CCND2: variants seen among roughly 807,000 people sequenced by gnomAD.
The protein encoded by CCND2 is cyclin D2, also known as G1/S-specific cyclin-D2.
In CCND2, 6 loss-of-function variants were observed where a neutral mutation model predicts 30.2. The ratio of observed to expected loss-of-function variants is 0.20; its 90% confidence interval spans 0.11 to 0.39. CCND2 has a LOEUF of 0.39. Ranked by LOEUF, CCND2 falls within the 10% of genes least tolerant of loss-of-function variation. The pLI is 1.00. For missense variants in CCND2, 235 were observed against 373.4 expected, an observed-to-expected ratio of 0.63 and a Z score of 3.06; for synonymous variants, 150 against 153.1, an observed-to-expected ratio of 0.98 and a Z score of 0.15.
rs1419995528 is a variant in CCND2, at chr12:4,282,984, G to A, written c.571+4065G>A. Reference sequence around the variant, plus strand: ...TCCCTTTCTTCTTCAGCGTCAGAGTGCGTATCTCTCTCCCCCTATTGGTGA... The same window carrying A: ...TCCCTTTCTTCTTCAGCGTCAGAGTACGTATCTCTCTCCCCCTATTGGTGA... On this transcript the variant is annotated intron_variant, in intron 3 of 4. Transcript: ENST00000261254. This position sits in a 1 kb window ranked among gnomAD's most constrained non-coding sequence, Gnocchi z 4.3. Among the ~76,000 whole-genome samples, 1 of 152,192 alleles carries A rather than the reference G, an allele frequency of 6.6e-6. No individual in the cohort carries two copies. Among genetic ancestry groups the A allele is most frequent in the Non-Finnish European group, 1.5e-5 (1 of 68,040 alleles).
intron 4 of CCND2, among the ~76,000 whole-genome samples, chr12:4,290,662 C>G (rs542107226): frequency 4.1e-4 from 62 of 152,136 alleles, no homozygotes; most frequent in African/African-American, 1.1e-3. Context: ...ACCACCCTAC[C>G]GGCTCCAGCC....
Position 4,274,304 on chromosome 12 carries a change from C to T in CCND2, c.195+69C>T, listed in dbSNP as rs1863830594. On this transcript the variant is annotated intron_variant, in intron 1 of 4. Coordinates refer to ENST00000261254, the MANE Select transcript of CCND2 (RefSeq NM_001759.4). This position sits in a 1 kb window ranked among gnomAD's most constrained non-coding sequence, Gnocchi z 7.7. The stretch of plus-strand genomic sequence containing the variant: ...GATGCTCGGGTCCCCGGCCGGAGCC[C>T]TAAACCTGGGAGAGGGCAATCCCCG... 6.5e-7 allele frequency: 1 copy of T among 1,541,440 alleles called. No individual in the cohort carries two copies. The highest frequency in any genetic ancestry group is 8.9e-7 in the Non-Finnish European group (1 of 1,125,022).
rs1008410478 is a variant in CCND2, at chr12:4,302,571, T to C, written c.*2562T>C. The C allele has an allele frequency of 6.4e-5, 15 of 233,248 alleles. No individual in the cohort carries two copies. In the South Asian group the frequency reaches 1.1e-3, roughly 17 times the overall value. The allele number at this position is 233,248 out of a possible 1,614,324, so 14.4% of individuals were successfully genotyped here. On this transcript the variant is annotated 3_prime_UTR_variant, in exon 5 of 5. Coordinates refer to ENST00000261254, the MANE Select transcript of CCND2 (RefSeq NM_001759.4). ...AACCTGCAGCAAGCAGCGTTTATGG[T>C]GCTTCCTTCTCCCTCCTCTGTCTCA...
rs1864227975 is a variant in CCND2, at chr12:4,300,105, A to T, written c.*96A>T. ...TTCTTTGTGTTTTAGGGTGAAACTTAAAAAAAAAATTCTGCCCCCACCTAG... is the reference window on the plus strand; with the variant it reads ...TTCTTTGTGTTTTAGGGTGAAACTTTAAAAAAAAATTCTGCCCCCACCTAG... On this transcript the variant is annotated 3_prime_UTR_variant, in exon 5 of 5. Coordinates refer to ENST00000261254, the MANE Select transcript of CCND2 (RefSeq NM_001759.4). 4 of 1,013,336 alleles carry T rather than the reference A, an allele frequency of 3.9e-6. No homozygotes were observed. The highest frequency in any genetic ancestry group is 2.6e-6 in the Non-Finnish European group (2 of 756,234). 62.8% of individuals were successfully genotyped at this position (1,013,336 alleles called of 1,614,324 possible).
Position 4,300,531 on chromosome 12 carries a change from C to T in CCND2, c.*522C>T, listed in dbSNP as rs1184525874. 1 of 234,554 alleles carries T rather than the reference C, an allele frequency of 4.3e-6. No individual in the cohort carries two copies. Among genetic ancestry groups the T allele is most frequent in the Non-Finnish European group, 8.4e-6 (1 of 118,704 alleles). 14.5% of individuals were successfully genotyped at this position (234,554 alleles called of 1,614,324 possible). ...AAACAATCTCTCAACATGATTGAAC[C>T]ATTTGGGATGGAGAAGCACCTTTGC... On this transcript the variant is annotated 3_prime_UTR_variant, in exon 5 of 5. Transcript: ENST00000261254.
Position 4,285,345 on chromosome 12 carries a change from C to T in CCND2, c.572-3497C>T, listed in dbSNP as rs1186573534. ...GGCAATTAACGATGGCGAGGGCACA[C>T]CCTCACCCCTGAGCGTGCCTTCTGC... On this transcript the variant is annotated intron_variant, in intron 3 of 4. Coordinates refer to ENST00000261254, the MANE Select transcript of CCND2 (RefSeq NM_001759.4). This position sits in a 1 kb window ranked among gnomAD's most constrained non-coding sequence, Gnocchi z 4.1. The T allele has an allele frequency of 1.0e-6, 1 of 985,274 alleles. No homozygotes were observed. Among genetic ancestry groups the T allele is most frequent in the African/African-American group, 1.7e-5 (1 of 57,234 alleles). 61.0% of individuals were successfully genotyped at this position (985,274 alleles called of 1,614,324 possible).
intron 3 of CCND2, among the ~76,000 whole-genome samples, chr12:4,281,826 T>A (rs1863952127): frequency 6.6e-6 from 1 of 151,970 alleles, no homozygotes; most frequent in South Asian, 2.1e-4. Context: ...GGCTCTGGAT[T>A]AAGATGGTGG....
chr12:4,278,999 A>G (rs942589532), intron 3 of CCND2, 80 bp downstream of exon 3: 16 of 1,431,408 alleles, frequency 1.1e-5, no homozygotes, highest in Non-Finnish European at 1.5e-5. Flanking sequence ...AGGCCGTAGG[A>G]ACTTTCATTT....
chr12:4,275,823 T>C (rs2097801679), intron 1 of CCND2, among the ~76,000 whole-genome samples, 182 bp from the exon 2 acceptor site: 1 of 151,678 alleles, frequency 6.6e-6, no homozygotes, highest in South Asian at 2.1e-4. Context: ...GCTATTCTGA[T>C]TCACTCCAGT....
At position 4,303,292 on chromosome 12, in the gene CCND2, C is replaced by T. The variant is rs3217932; in HGVS notation, c.*3283C>T. The T allele has an allele frequency of 1.3e-5, 3 of 233,234 alleles. No individual in the cohort carries two copies. In the East Asian group the frequency reaches 1.8e-4, roughly 14 times the overall value. 14.4% of individuals were successfully genotyped at this position (233,234 alleles called of 1,614,324 possible). A position where few individuals can be genotyped will look rare whatever the true frequency, so the allele number is the denominator to read the frequency against. On this transcript the variant is annotated 3_prime_UTR_variant, in exon 5 of 5. Coordinates refer to ENST00000261254, the MANE Select transcript of CCND2 (RefSeq NM_001759.4). The surrounding 1 kb of genome is among the most constrained non-coding windows in gnomAD (Gnocchi z 4.6). ...GGGTTGTTAGGCTTTTCTGCCTGCTCCTGCTTAAACACAAGAAGGAATCCT... is the reference window on the plus strand; with the variant it reads ...GGGTTGTTAGGCTTTTCTGCCTGCTTCTGCTTAAACACAAGAAGGAATCCT...
intron 1 of CCND2, among the ~76,000 whole-genome samples, chr12:4,275,685 C>A (rs958475940): frequency 7.9e-5 from 12 of 151,368 alleles, no homozygotes; most frequent in Non-Finnish European, 1.6e-4. Context: ...AGTTAGAGTG[C>A]GCGAAGGAGT....
Position 4,274,023 on chromosome 12 carries a change from G to A in CCND2, c.-18G>A. On this transcript the variant is annotated 5_prime_UTR_variant, in exon 1 of 5. Coordinates refer to ENST00000261254, the MANE Select transcript of CCND2 (RefSeq NM_001759.4). This position sits in a 1 kb window ranked among gnomAD's most constrained non-coding sequence, Gnocchi z 7.7. ...CAGGCCGGGGAAAGCAGGAGGGAGA[G>A]GGGCCGCCGGGCTGGCCATGGAGCT... 1 of 1,604,974 alleles carries A rather than the reference G, an allele frequency of 6.2e-7. No homozygotes were observed. The highest frequency in any genetic ancestry group is 8.5e-7 in the Non-Finnish European group (1 of 1,175,258).
At position 4,278,634 on chromosome 12, in the gene CCND2, A is replaced by G. The variant is rs1043934606; in HGVS notation, c.412-126A>G. ...GCACATTGACAAATGGGCCCGCCTTACAATCTAGCAGCCACGTCCTAATGA... is the reference window on the plus strand; with the variant it reads ...GCACATTGACAAATGGGCCCGCCTTGCAATCTAGCAGCCACGTCCTAATGA... On this transcript the variant is annotated intron_variant, in intron 2 of 4. Coordinates refer to ENST00000261254, the MANE Select transcript of CCND2 (RefSeq NM_001759.4). The G allele has an allele frequency of 1.7e-5, 14 of 813,528 alleles. No homozygotes were observed. In the African/African-American group the frequency reaches 1.9e-4, roughly 11 times the overall value. 50.4% of individuals were successfully genotyped at this position (813,528 alleles called of 1,614,324 possible). A position where few individuals can be genotyped will look rare whatever the true frequency, so the allele number is the denominator to read the frequency against.
At position 4,301,921 on chromosome 12, in the gene CCND2, T is replaced by C. The variant is rs557266635; in HGVS notation, c.*1912T>C. The stretch of plus-strand genomic sequence containing the variant: ...CTGGTAGCATATTCATGGTTGTTTT[T>C]TTTTTTCTTTTTTGGTTTTTTGGTT... On this transcript the variant is annotated 3_prime_UTR_variant, in exon 5 of 5. Coordinates refer to ENST00000261254, the MANE Select transcript of CCND2 (RefSeq NM_001759.4). 24 of 232,104 alleles carry C rather than the reference T, an allele frequency of 1.0e-4. No individual in the cohort carries two copies. The Admixed American group carries it at 1.1e-3, about 11-fold the overall frequency. 14.4% of individuals were successfully genotyped at this position (232,104 alleles called of 1,614,324 possible).
At chr12:4,275,021 CAGTTTGGTT>C (rs1863846338) in intron 1 of CCND2, 1 of 152,292 alleles carries the variant, frequency 6.6e-6, no homozygotes, top group Non-Finnish European at 1.5e-5. Context: ...AGATTACTTA[CAGTTTGGTT>C]TTCCAGCTTC....
Position 4,273,977 on chromosome 12 carries a change from A to C in CCND2, c.-64A>C. The C allele has an allele frequency of 6.5e-7, 1 of 1,526,916 alleles. No individual in the cohort carries two copies. Among genetic ancestry groups the C allele is most frequent in the Non-Finnish European group, 8.8e-7 (1 of 1,130,266 alleles). The allele number at this position is 1,526,916 out of a possible 1,614,324, so 94.6% of individuals were successfully genotyped here. A position where few individuals can be genotyped will look rare whatever the true frequency, so the allele number is the denominator to read the frequency against. ...GCTCTCCCCTCCCCTTCCAAAAAACAAAAACAGAAAAACCTTTTTCCAGGC... is the reference window on the plus strand; with the variant it reads ...GCTCTCCCCTCCCCTTCCAAAAAACCAAAACAGAAAAACCTTTTTCCAGGC... On this transcript the variant is annotated 5_prime_UTR_variant, in exon 1 of 5. Transcript: ENST00000261254. This position sits in a 1 kb window ranked among gnomAD's most constrained non-coding sequence, Gnocchi z 5.9.
Position 4,301,020 on chromosome 12 carries a change from T to C in CCND2, c.*1011T>C. On this transcript the variant is annotated 3_prime_UTR_variant, in exon 5 of 5. Coordinates refer to ENST00000261254, the MANE Select transcript of CCND2 (RefSeq NM_001759.4). ...CCCGAGCGATAGATGGGATGGTTTA[T>C]GCAAGTCATGCTGAATACTCCTCCC... 1 of 233,758 alleles carries C rather than the reference T, an allele frequency of 4.3e-6. No homozygotes were observed. Among genetic ancestry groups the C allele is most frequent in the Non-Finnish European group, 8.5e-6 (1 of 118,068 alleles). 14.5% of individuals were successfully genotyped at this position (233,758 alleles called of 1,614,324 possible).
At chr12:4,283,296 G>C (rs3217829) in intron 3 of CCND2, among the ~76,000 whole-genome samples, 1 of 152,180 alleles carries the variant, frequency 6.6e-6, no homozygotes, top group Non-Finnish European at 1.5e-5. Context: ...CCGGGGCTGC[G>C]GCTGGGACCC....
intron 4 of CCND2, chr12:4,297,769 G>C (rs1273463535): frequency 7.8e-6 from 3 of 383,704 alleles, no homozygotes; most frequent in African/African-American, 4.2e-5. Context: ...CAACAGGTCG[G>C]ACAGGGTAAG....
Sources: gnomAD v4.1 joint callset for allele counts (sites outside exome capture counted in the v4.1 genomes callset) on GRCh38, gnomAD v4.1.1 for gene constraint, Gnocchi (gnomAD v3.1) non-coding constraint, MANE v1.5 for transcripts, NCBI Gene and HGNC (gene_info 2026-07-23, HGNC 2026-07-21) for gene names.